Variants in NMNAT3 observed in about 807,000 individuals in gnomAD.
NMNAT3 encodes the protein nicotinamide/nicotinic acid mononucleotide adenylyltransferase 3.
A neutral mutation model predicts 24.8 loss-of-function variants in NMNAT3; 21 were observed. The observed-to-expected ratio is 0.85, with a 90% confidence interval of 0.60 to 1.22. NMNAT3 has a LOEUF of 1.22. NMNAT3 is among the 50% of genes most tolerant of loss of function. NMNAT3 has a pLI of 0.00. For missense variants in NMNAT3, 387 were observed against 436.6 expected, an observed-to-expected ratio of 0.89 and a Z score of 1.01; for synonymous variants, 136 against 155.2, an observed-to-expected ratio of 0.88 and a Z score of 0.92.
chr3:139,579,482 A>C (rs1939846161), intron 4 of NMNAT3, among the ~76,000 whole-genome samples: 1 of 152,152 alleles, frequency 6.6e-6, no homozygotes, highest in African/African-American at 2.4e-5. Context: ...CCAAATGGGG[A>C]TTTTGAGGAT....
At position 139,582,976 on chromosome 3, in the gene NMNAT3, A is replaced by G. The variant is rs1382371943; in HGVS notation, c.342T>C (p.Asp114=). The G allele has an allele frequency of 3.2e-6, 5 of 1,572,576 alleles. No homozygotes were observed. The African/African-American group carries it at 5.5e-5, about 17-fold the overall frequency. Residue 114 remains aspartate (D), a synonymous_variant, in exon 4 of 7, where the codon GAT becomes GAC. Coordinates refer to ENST00000643695, the MANE Select transcript of NMNAT3 (RefSeq NM_001320510.2). ...TTTTGTTTGTTTGGTTCCAGGTGCT[A>G]TCTATAAATATAATTTTTTTCAGTG... is the stretch of plus-strand genomic sequence containing the variant.
At chr3:139,572,831 A>G (rs295519) in intron 6 of NMNAT3, among the ~76,000 whole-genome samples, 50,781 of 152,132 alleles carry the variant, frequency 0.33, 10,413 homozygotes, top group South Asian at 0.63. Context: ...TTCAGTAGAG[A>G]AACCACATTA....
At chr3:139,645,746 G>T (rs1343431671) in intron 1 of NMNAT3, among the ~76,000 whole-genome samples, 4 of 152,168 alleles carry the variant, frequency 2.6e-5, no homozygotes, top group African/African-American at 9.7e-5. Context: ...GAAAACTGAG[G>T]AGTATAGTTT....
intron 3 of NMNAT3, among the ~76,000 whole-genome samples, chr3:139,608,804 C>T (rs2055060216): frequency 6.6e-6 from 1 of 152,124 alleles, no homozygotes; most frequent in Non-Finnish European, 1.5e-5. Context: ...TTCATGTAAT[C>T]ATCGCCACAG....
At chr3:139,662,639 T>C (rs1040760772) in intron 1 of NMNAT3, among the ~76,000 whole-genome samples, 3 of 152,124 alleles carry the variant, frequency 2.0e-5, no homozygotes, top group Non-Finnish European at 4.4e-5. Context: ...CTGCTGGAGA[T>C]GGAAGTACTG....
rs1020862272 is a variant in NMNAT3, at chr3:139,607,895, C to A, written c.109+19721G>T. ...ATTTTCCCTATAATTATCAGTAACT[C>A]ATAAATTTCCCCAAGGCCTAACTCC... On this transcript the variant is annotated intron_variant, in intron 3 of 6. Transcript: ENST00000643695. Among the ~76,000 whole-genome samples the A allele has an allele frequency of 3.3e-5, 5 of 152,140 alleles. No individual in the cohort carries two copies. In the South Asian group the frequency reaches 1.0e-3, roughly 31 times the overall value.
At chr3:139,578,161 C>T (rs1444436811) in intron 5 of NMNAT3, among the ~76,000 whole-genome samples, 1 of 152,188 alleles carries the variant, frequency 6.6e-6, no homozygotes, top group Non-Finnish European at 1.5e-5. Flanking sequence ...TCTGGCAATT[C>T]CCCCTTAAAG....
At chr3:139,571,157 G>GA (rs1277271361) in intron 6 of NMNAT3, 8 of 152,478 alleles carry the variant, frequency 5.2e-5, no homozygotes, top group East Asian at 1.9e-4. Context: ...CCATGTGTGG[G>GA]ATATAATCTC....
intron 3 of NMNAT3, among the ~76,000 whole-genome samples, chr3:139,600,511 T>C (rs1348232134): frequency 6.6e-6 from 1 of 152,118 alleles, no homozygotes; most frequent in Non-Finnish European, 1.5e-5. Context: ...TTTCACCATG[T>C]TGGTCAGGCT....
rs149556169 is a variant in NMNAT3, at chr3:139,600,518, G to T, written c.110-17310C>A. On this transcript the variant is annotated intron_variant, in intron 3 of 6. Transcript: ENST00000643695. ...AGACAGCATTTCACCATGTTGGTCAGGCTGGTCTCGAACTCCTGACCTCAG... is the reference window on the plus strand; with the variant it reads ...AGACAGCATTTCACCATGTTGGTCATGCTGGTCTCGAACTCCTGACCTCAG... 7.5e-3 allele frequency among the ~76,000 whole-genome samples: 1,139 copies of T among 152,138 alleles called. 19 individuals are homozygous for T. The highest frequency in any genetic ancestry group is 0.026 in the African/African-American group (1,072 of 41,498).
intron 3 of NMNAT3, among the ~76,000 whole-genome samples, chr3:139,626,272 C>T (rs528327067): frequency 8.3e-4 from 126 of 152,042 alleles, no homozygotes; most frequent in Non-Finnish European, 1.5e-3. Context: ...CAAGTTTTCC[C>T]GTATCTCATT....
chr3:139,609,311 A>G (rs1405540529), intron 3 of NMNAT3, among the ~76,000 whole-genome samples: 1 of 152,210 alleles, frequency 6.6e-6, no homozygotes, highest in Non-Finnish European at 1.5e-5. Context: ...GAAACTGCCA[A>G]ACTGCTTTCC....
intron 2 of NMNAT3, among the ~76,000 whole-genome samples, chr3:139,634,118 C>T (rs1374630201): frequency 1.3e-5 from 2 of 152,230 alleles, no homozygotes; most frequent in Non-Finnish European, 2.9e-5. Flanking sequence ...TAAGTTCTAA[C>T]CTAGTGTGCA....
chr3:139,640,081 G>GTCCCAT (rs1410053593), intron 1 of NMNAT3, among the ~76,000 whole-genome samples: 1 of 152,184 alleles, frequency 6.6e-6, no homozygotes, highest in African/African-American at 2.4e-5. Flanking sequence ...AGTGCATGGT[G>GTCCCAT]GGACTCTGTA....
intron 3 of NMNAT3, among the ~76,000 whole-genome samples, chr3:139,583,835 C>A (rs530673333): frequency 2.0e-5 from 3 of 152,382 alleles, no homozygotes; most frequent in Admixed American, 2.0e-4. Context: ...CAGCTCTGCC[C>A]AAGCCCGAGC....
intron 3 of NMNAT3, among the ~76,000 whole-genome samples, chr3:139,595,196 G>T (rs959971554): frequency 6.6e-6 from 1 of 152,144 alleles, no homozygotes; most frequent in Non-Finnish European, 1.5e-5. Flanking sequence ...AATCATGAGT[G>T]AATTCCCATT....
intron 6 of NMNAT3, among the ~76,000 whole-genome samples, chr3:139,572,442 G>GC (rs35100106): frequency 2.6e-5 from 4 of 152,112 alleles, no homozygotes; most frequent in African/African-American, 9.7e-5. Flanking sequence ...CTCATGCACA[G>GC]CCCCCCAGAC....
At chr3:139,617,014 A>G (rs965149616) in intron 3 of NMNAT3, among the ~76,000 whole-genome samples, 7 of 152,170 alleles carry the variant, frequency 4.6e-5, no homozygotes, top group African/African-American at 1.4e-4. Context: ...TAAGCCAAGA[A>G]TGTTCTTTTT....
intron 1 of NMNAT3, among the ~76,000 whole-genome samples, chr3:139,671,343 C>T (rs933768724): frequency 1.3e-5 from 2 of 152,182 alleles, no homozygotes; most frequent in Admixed American, 6.5e-5. Flanking sequence ...ATCAGCCTGT[C>T]GTTCTGTAAT....
Sources: allele counts gnomAD v4.1 joint callset (sites outside exome capture counted in the v4.1 genomes callset), GRCh38; gene constraint gnomAD v4.1.1; transcripts MANE v1.5; gene names NCBI Gene and HGNC (gene_info 2026-07-23, HGNC 2026-07-21).